USP6: variants seen among roughly 807,000 people sequenced by gnomAD.
The protein encoded by USP6 is ubiquitin specific peptidase 6.
A neutral mutation model predicts 175.7 loss-of-function variants in USP6; 128 were observed. The ratio of observed to expected loss-of-function variants is 0.73; its 90% CI spans 0.63 to 0.84. USP6 has a LOEUF of 0.84. Among genes scored for constraint, USP6 ranks in the 40% least tolerant of loss-of-function variants. The pLI is 0.00. For missense variants in USP6, 1,498 were observed against 1,760.3 expected, an observed-to-expected ratio of 0.85 and a Z score of 2.67; for synonymous variants, 562 against 630.6, an observed-to-expected ratio of 0.89 and a Z score of 1.63.
chr17:5,141,865 A>G (rs1427385691), intron 23 of USP6, 138 bp from the exon 24 acceptor site: 6 of 1,359,134 alleles, frequency 4.4e-6, no homozygotes, highest in East Asian at 2.5e-5. Context: ...TAGCATTTCA[A>G]AGACCTGCTA....
chr17:5,158,617 GAGAGAGAGA>G (rs2144100431), intron 31 of USP6, among the ~76,000 whole-genome samples: 1 of 21,740 alleles, frequency 4.6e-5, no homozygotes, highest in South Asian at 4.1e-3. Flanking sequence ...GAGAGGGGGA[GAGAGAGAGA>G]GAGAGAGAGA....
At position 5,153,124 on chromosome 17, in the gene USP6, A is replaced by C. The variant is rs555249811; in HGVS notation, c.2644-2298A>C. ...TATAAAACTGTAAAGGAAAGCAAGA[A>C]AGTGATTACTGTAACATTTAGAATA... On this transcript the variant is annotated intron_variant, in intron 30 of 37. Coordinates refer to ENST00000574788, the MANE Select transcript of USP6 (RefSeq NM_001304284.2). Among the ~76,000 whole-genome samples the C allele has an allele frequency of 1.1e-4, 17 of 152,376 alleles. No homozygotes were observed. In the East Asian group the frequency reaches 2.3e-3, roughly 21 times the overall value.
rs1483359077 is a variant in USP6, at chr17:5,116,273, C to T, written c.-2395C>T. ...CTCTGCTCGACGCCACTCCCGGCCCCGCTCCGGGCGGCCCCCCTCACCACT... is the reference window on the plus strand; with the variant it reads ...CTCTGCTCGACGCCACTCCCGGCCCTGCTCCGGGCGGCCCCCCTCACCACT... On this transcript the variant is annotated 5_prime_UTR_variant, in exon 1 of 38. Coordinates refer to ENST00000574788, the MANE Select transcript of USP6 (RefSeq NM_001304284.2). Among the ~76,000 whole-genome samples the T allele has an allele frequency of 1.3e-5, 2 of 151,956 alleles. No homozygotes were observed. The highest frequency in any genetic ancestry group is 2.4e-5 in the African/African-American group (1 of 41,220).
chr17:5,155,496 A>G lies in USP6; in HGVS notation c.2718A>G (p.Pro906=). ...PSLFGMPLIV[P]CTVHTRKKDL... is the part of the protein sequence containing the mutation. ...TCTTTGGAATGCCATTGATTGTTCC[A>G]TGCACTGTGCATACCCGGAAGAAAG... The change falls in exon 31 of 38, where the codon CCA becomes CCG. Residue 906 remains proline, a synonymous_variant. Coordinates refer to ENST00000574788, the MANE Select transcript of USP6 (RefSeq NM_001304284.2). The G allele has an allele frequency of 6.2e-7, 1 of 1,614,120 alleles. No homozygotes were observed. Among genetic ancestry groups the G allele is most frequent in the South Asian group, 1.1e-5 (1 of 91,080 alleles).
chr17:5,137,157 G>C lies in USP6; in HGVS notation c.796G>C (p.Gly266Arg). 6.2e-7 allele frequency: 1 copy of C among 1,613,498 alleles called. No individual in the cohort carries two copies. Among genetic ancestry groups the C allele is most frequent in the Non-Finnish European group, 8.5e-7 (1 of 1,179,622 alleles). Residue 266 changes from glycine (G) to arginine (R), a missense_variant, in exon 19 of 38, where the codon GGC (glycine) becomes CGC (arginine). Transcript: ENST00000574788. ...EGLCGQCASL[G>R]CLLRNLIDGI... ...TCTATGCGGGCAGTGTGCCTCGTTA[G>C]GCTGCCTTCTCCGGAACCTGATTGA...
At position 5,170,526 on chromosome 17, in the gene USP6, A is replaced by T. The variant is rs200143577; in HGVS notation, c.3565A>T (p.Lys1189Ter). ...AAGTGGAACCAGCTGTCCCTCCAGC[A>T]AAAACAGCAGCCCTAATAGCAGCCC... is the stretch of plus-strand genomic sequence containing the variant. ...RKSGTSCPSS[K>*]NSSPNSSPRT... The change falls in exon 36 of 38, where the codon AAA becomes TAA. Residue 1189 changes from lysine (K) to a stop codon, truncating the protein, a stop_gained. Transcript: ENST00000574788. LOFTEE classifies it high-confidence loss of function. The T allele has an allele frequency of 1.9e-3, 3,060 of 1,611,640 alleles. 8 individuals are homozygous for T. Among genetic ancestry groups the T allele is most frequent in the Admixed American group, 3.3e-3 (199 of 59,948 alleles).
Position 5,168,886 on chromosome 17 carries a change from C to G in USP6, c.3348C>G (p.Ala1116=). Residue 1116 remains alanine (A), a synonymous_variant, in exon 35 of 38, where the codon GCC becomes GCG. Coordinates refer to ENST00000574788, the MANE Select transcript of USP6 (RefSeq NM_001304284.2). ...CTTTTTTGGTACCACGAGACCCGGC[C>G]CTCTGCCAGCATAAACCACTCACAC... The part of the protein sequence containing the change: ...PSAFLVPRDP[A]LCQHKPLTPQ... 6.2e-7 allele frequency: 1 copy of G among 1,613,832 alleles called. No homozygotes were observed. Among genetic ancestry groups the G allele is most frequent in the South Asian group, 1.1e-5 (1 of 91,056 alleles).
Position 5,120,785 on chromosome 17 carries a change from C to G in USP6, c.-1678C>G. 2.2e-6 allele frequency: 1 copy of G among 448,308 alleles called. No homozygotes were observed. The highest frequency in any genetic ancestry group is 4.5e-6 in the Non-Finnish European group (1 of 223,464). 27.8% of individuals were successfully genotyped at this position (448,308 alleles called of 1,614,324 possible). On this transcript the variant is annotated 5_prime_UTR_variant, in exon 3 of 38. Transcript: ENST00000574788. ...AGGATGCCAAGGGCTGTTTCTTCAG[C>G]ATGGTGGGTGGCCATATGTAAGCAG...
intron 15 of USP6, 71 bp downstream of exon 15, chr17:5,134,067 C>G (rs879162795): frequency 6.6e-7 from 1 of 1,511,690 alleles, no homozygotes; most frequent in East Asian, 2.3e-5. Flanking sequence ...TTCCCCGGAG[C>G]AGAAGCCAGG....
chr17:5,150,344 G>A (rs1598058114), intron 30 of USP6, among the ~76,000 whole-genome samples: 1 of 125,630 alleles, frequency 8.0e-6, no homozygotes, highest in South Asian at 2.3e-4. Flanking sequence ...ATAAAATAAA[G>A]TAAAGGAAAT....
At chr17:5,152,437 C>G (rs2073795218) in intron 30 of USP6, among the ~76,000 whole-genome samples, 1 of 152,144 alleles carries the variant, frequency 6.6e-6, no homozygotes, top group Non-Finnish European at 1.5e-5. Flanking sequence ...ATACAATTTT[C>G]TAGTTAAAGA....
intron 25 of USP6, among the ~76,000 whole-genome samples, chr17:5,143,050 G>T (rs543530531): frequency 6.6e-6 from 1 of 151,696 alleles, no homozygotes; most frequent in East Asian, 1.9e-4. Context: ...TCAGCCCCCC[G>T]CCCAGCCAGC....
chr17:5,154,898 T>G (rs2073849013), intron 30 of USP6, among the ~76,000 whole-genome samples: 2 of 152,096 alleles, frequency 1.3e-5, no homozygotes, highest in Non-Finnish European at 2.9e-5. Flanking sequence ...CATGCCCAGC[T>G]AATTGTATTT....
Position 5,132,266 on chromosome 17 carries a change from C to T in USP6, c.156-130C>T. ...CAGGAAGGCCCTTGTCCTCCCTTCC[C>T]TGTGCCTTCTCCCGGGCTGAGCCCT... On this transcript the variant is annotated intron_variant, in intron 11 of 37. Coordinates refer to ENST00000574788, the MANE Select transcript of USP6 (RefSeq NM_001304284.2). The surrounding 1 kb of genome is among the most constrained non-coding windows in gnomAD (Gnocchi z 4.7). 1 of 1,605,870 alleles carries T rather than the reference C, an allele frequency of 6.2e-7. No individual in the cohort carries two copies. Among genetic ancestry groups the T allele is most frequent in the Non-Finnish European group, 8.5e-7 (1 of 1,175,620 alleles).
Position 5,172,770 on chromosome 17 carries a change from T to C in USP6, c.4048-35T>C, listed in dbSNP as rs750450345. 30 of 1,610,748 alleles carry C rather than the reference T, an allele frequency of 1.9e-5. No individual in the cohort carries two copies. The Admixed American group carries it at 4.3e-4, about 23-fold the overall frequency. ...CAAGGATTTAGAGTCATAATAGTGA[T>C]GGCTTTTTGTTAAAGGTTTTTCTTG... On this transcript the variant is annotated intron_variant, in intron 37 of 37. Coordinates refer to ENST00000574788, the MANE Select transcript of USP6 (RefSeq NM_001304284.2).
rs779694628 is a variant in USP6, at chr17:5,130,220, C to A, written c.-2+131C>A. The A allele has an allele frequency of 8.4e-6, 6 of 715,906 alleles. No individual in the cohort carries two copies. The Admixed American group carries it at 1.1e-4, about 13-fold the overall frequency. 44.3% of individuals were successfully genotyped at this position (715,906 alleles called of 1,614,324 possible). A position where few individuals can be genotyped will look rare whatever the true frequency, so the allele number is the denominator to read the frequency against. On this transcript the variant is annotated intron_variant, in intron 9 of 37. Coordinates refer to ENST00000574788, the MANE Select transcript of USP6 (RefSeq NM_001304284.2). ...TGCAGAGACCCATGGAGGTGTGGGC[C>A]ATGGGGTTTGGCCCCTTTTTACCGG... is the stretch of plus-strand genomic sequence containing the variant.
chr17:5,122,871 G>A (rs2072737020), intron 4 of USP6: 2 of 152,334 alleles, frequency 1.3e-5, no homozygotes, highest in Non-Finnish European at 2.9e-5. Context: ...GTTATGCCAA[G>A]GAAGAACGCG....
chr17:5,142,594 C>T (rs2073480603), intron 25 of USP6, 92 bp downstream of exon 25: 3 of 1,462,056 alleles, frequency 2.1e-6, no homozygotes, highest in South Asian at 1.5e-5. Context: ...AGCCTTTTAG[C>T]TTAATGAACG....
intron 15 of USP6, chr17:5,134,893 C>T (rs953452219): frequency 8.7e-6 from 3 of 345,734 alleles, no homozygotes; most frequent in Non-Finnish European, 1.7e-5. Flanking sequence ...ATGATGGAGT[C>T]GCTCCAGGAG....
Sources: gnomAD v4.1 joint callset for allele counts (sites outside exome capture counted in the v4.1 genomes callset) on GRCh38, gnomAD v4.1.1 for gene constraint, Gnocchi (gnomAD v3.1) non-coding constraint, MANE v1.5 for transcripts, NCBI Gene and HGNC (gene_info 2026-07-23, HGNC 2026-07-21) for gene names.